Variants in LRP1B observed in about 807,000 individuals in gnomAD.
LRP1B encodes LDL receptor related protein 1B.
LRP1B carries 217 observed loss-of-function variants against 556.6 expected under a neutral mutation model. The observed-to-expected ratio is 0.39, with a 90% CI of 0.35 to 0.44. LRP1B has a LOEUF of 0.44. Ranked by LOEUF, LRP1B falls within the 20% of genes least tolerant of loss-of-function variation. LRP1B has a pLI of 1.00. For missense variants in LRP1B, 5,053 were observed against 5,620.8 expected, an observed-to-expected ratio of 0.90 and a Z score of 3.23; for synonymous variants, 2,047 against 1,865.8, an observed-to-expected ratio of 1.10 and a Z score of -2.50.
intron 3 of LRP1B, among the ~76,000 whole-genome samples, chr2:141,292,932 T>C (rs1019218831): frequency 2.6e-5 from 4 of 152,188 alleles, no homozygotes; most frequent in African/African-American, 9.7e-5. Flanking sequence ...TATTAGTTTA[T>C]CATAAAAATT....
chr2:141,069,492 C>A (rs1699576157), intron 7 of LRP1B, among the ~76,000 whole-genome samples: 1 of 152,014 alleles, frequency 6.6e-6, no homozygotes. Flanking sequence ...GAGGTGGAGT[C>A]TAGGCCCTAT....
At chr2:141,101,764 C>T (rs1574074518) in intron 7 of LRP1B, among the ~76,000 whole-genome samples, 1 of 152,078 alleles carries the variant, frequency 6.6e-6, no homozygotes. Flanking sequence ...TTTCTGTAAA[C>T]CCACGGCATT....
intron 33 of LRP1B, among the ~76,000 whole-genome samples, chr2:140,774,457 T>C (rs1487291258): frequency 6.6e-6 from 1 of 152,098 alleles, no homozygotes; most frequent in Admixed American, 6.5e-5. Flanking sequence ...ATCTAGAAAA[T>C]TTGACATGTA....
chr2:141,804,565 C>T (rs990496271), intron 2 of LRP1B, among the ~76,000 whole-genome samples: 6 of 151,946 alleles, frequency 3.9e-5, no homozygotes, highest in African/African-American at 1.5e-4. Context: ...AAACCTCTTC[C>T]CAGCCATGTC....
intron 2 of LRP1B, among the ~76,000 whole-genome samples, chr2:141,776,547 A>G (rs1695081018): frequency 6.6e-6 from 1 of 152,220 alleles, no homozygotes; most frequent in Admixed American, 6.5e-5. Flanking sequence ...GGATTACACA[A>G]CATGGAAGGT....
At chr2:140,378,622 A>G (rs1309551633) in intron 67 of LRP1B, among the ~76,000 whole-genome samples, 1 of 152,142 alleles carries the variant, frequency 6.6e-6, no homozygotes, top group Non-Finnish European at 1.5e-5. Context: ...CTGGAGTTCT[A>G]TGTCATTTTA....
At chr2:140,624,284 C>A (rs962091978) in intron 41 of LRP1B, among the ~76,000 whole-genome samples, 2 of 152,040 alleles carry the variant, frequency 1.3e-5, no homozygotes, top group Non-Finnish European at 1.5e-5. Flanking sequence ...AACTTTAGTT[C>A]TGAAATCTGA....
At chr2:141,318,126 C>T (rs1302690922) in intron 3 of LRP1B, among the ~76,000 whole-genome samples, 1 of 152,118 alleles carries the variant, frequency 6.6e-6, no homozygotes, top group East Asian at 1.9e-4. Context: ...TGTTGAACAA[C>T]TGGATTCATT....
At chr2:140,611,166 C>A (rs1158608067) in intron 41 of LRP1B, among the ~76,000 whole-genome samples, 1 of 152,148 alleles carries the variant, frequency 6.6e-6, no homozygotes, top group African/African-American at 2.4e-5. Flanking sequence ...GAGTGAGTTT[C>A]TGAACTGTAA....
chr2:140,434,680 G>T (rs1048608075), intron 66 of LRP1B, among the ~76,000 whole-genome samples: 2 of 152,084 alleles, frequency 1.3e-5, no homozygotes, highest in African/African-American at 2.4e-5. Flanking sequence ...CAGACAGCTT[G>T]CATTCTAAGC....
chr2:140,547,757 A>G (rs1324681788), intron 43 of LRP1B, among the ~76,000 whole-genome samples: 1 of 152,112 alleles, frequency 6.6e-6, no homozygotes, highest in Non-Finnish European at 1.5e-5. Context: ...TTCCAAGCCA[A>G]GAGAGCTTGG....
At chr2:140,411,287 T>A (rs1271810973) in intron 66 of LRP1B, among the ~76,000 whole-genome samples, 1 of 152,158 alleles carries the variant, frequency 6.6e-6, no homozygotes, top group Non-Finnish European at 1.5e-5. Context: ...TAGTTAACAG[T>A]ATATTGAATA....
At chr2:141,533,135 C>T (rs1435131950) in intron 2 of LRP1B, among the ~76,000 whole-genome samples, 3 of 152,066 alleles carry the variant, frequency 2.0e-5, no homozygotes, top group South Asian at 2.1e-4. Flanking sequence ...TTGTCTAAGA[C>T]GGTAAATGTA....
At chr2:141,626,039 A>G (rs1370770366) in intron 2 of LRP1B, among the ~76,000 whole-genome samples, 2 of 152,112 alleles carry the variant, frequency 1.3e-5, no homozygotes, top group Non-Finnish European at 2.9e-5. Context: ...CCCAGTCCCT[A>G]TTTAGGGGTT....
chr2:140,286,242 C>T (rs1558772087), intron 84 of LRP1B, among the ~76,000 whole-genome samples: 1 of 151,778 alleles, frequency 6.6e-6, no homozygotes, highest in Non-Finnish European at 1.5e-5. Context: ...AACCCCTAAG[C>T]AAGTTATAAA....
At chr2:140,635,093 A>G (rs1684025914) in intron 41 of LRP1B, among the ~76,000 whole-genome samples, 2 of 152,098 alleles carry the variant, frequency 1.3e-5, no homozygotes, top group Admixed American at 1.3e-4. Context: ...TAAATCTCAA[A>G]TTAATTCTAT....
intron 7 of LRP1B, among the ~76,000 whole-genome samples, chr2:141,112,390 T>C (rs2104970554): frequency 6.6e-6 from 1 of 152,266 alleles, no homozygotes; most frequent in South Asian, 2.1e-4. Flanking sequence ...TTCTTTGCTT[T>C]TGGTTGGTAA....
chr2:140,784,919 T>C (rs1455648903), intron 32 of LRP1B, among the ~76,000 whole-genome samples: 1 of 152,034 alleles, frequency 6.6e-6, no homozygotes, highest in African/African-American at 2.4e-5. Context: ...AAGAAACATT[T>C]AAAAAATAAT....
chr2:141,288,993 G>T (rs2105404450), intron 3 of LRP1B, among the ~76,000 whole-genome samples: 1 of 152,188 alleles, frequency 6.6e-6, no homozygotes, highest in South Asian at 2.1e-4. Context: ...AAATTAAATG[G>T]CTACTTTTTT....
Sources: gnomAD v4.1 joint callset for allele counts (sites outside exome capture counted in the v4.1 genomes callset) on GRCh38, gnomAD v4.1.1 for gene constraint, MANE v1.5 for transcripts, NCBI Gene and HGNC (gene_info 2026-07-23, HGNC 2026-07-21) for gene names.